The following GRAMD2B variants were observed in gnomAD, a reference collection of about 807,000 sequenced individuals.
The protein encoded by GRAMD2B is GRAM domain containing 2B.
A neutral mutation model predicts 59.2 loss-of-function variants in GRAMD2B; 41 were observed. The observed-to-expected ratio is 0.69, with a 90% confidence interval of 0.54 to 0.90. GRAMD2B has a LOEUF of 0.90. Ranked by LOEUF, GRAMD2B falls within the 40% of genes least tolerant of loss-of-function variation. The pLI is 0.00. For missense variants in GRAMD2B, 424 were observed against 500.5 expected, an observed-to-expected ratio of 0.85 and a Z score of 1.46; for synonymous variants, 161 against 182.7, an observed-to-expected ratio of 0.88 and a Z score of 0.96.
intron 1 of GRAMD2B, among the ~76,000 whole-genome samples, chr5:126,361,393 T>G (rs1220546592): frequency 6.6e-6 from 1 of 151,774 alleles, no homozygotes; most frequent in Non-Finnish European, 1.5e-5. Flanking sequence ...TCTACAAACC[T>G]GCATTTGAAT....
At chr5:126,479,098 T>A (rs1423003047) in intron 6 of GRAMD2B, among the ~76,000 whole-genome samples, 2 of 151,962 alleles carry the variant, frequency 1.3e-5, no homozygotes, top group Non-Finnish European at 2.9e-5. Flanking sequence ...GGGAGTGGAG[T>A]GGTCTGGTTA....
At chr5:126,460,435 G>T (rs969740077) in intron 1 of GRAMD2B, among the ~76,000 whole-genome samples, 1 of 152,210 alleles carries the variant, frequency 6.6e-6, no homozygotes, top group Admixed American at 6.5e-5. Flanking sequence ...AATTGTAAAT[G>T]GAAGATCATT....
chr5:126,418,900 TC>T (rs1759478581), upstream of GRAMD2B, among the ~76,000 whole-genome samples: 1 of 152,218 alleles, frequency 6.6e-6, no homozygotes, highest in Non-Finnish European at 1.5e-5. Context: ...TGAGAAGTGT[TC>T]CTGGAATTCT....
intron 1 of GRAMD2B, among the ~76,000 whole-genome samples, chr5:126,418,307 T>G (rs776221205): frequency 2.4e-4 from 36 of 152,234 alleles, no homozygotes; most frequent in Non-Finnish European, 5.1e-4. Context: ...TAGATATTAA[T>G]GTATTGTTTC....
At chr5:126,486,843 A>G (rs1361386806) in intron 11 of GRAMD2B, 30 bp from the exon 12 acceptor site, 2 of 1,389,396 alleles carry the variant, frequency 1.4e-6, no homozygotes, top group Admixed American at 3.4e-5. Flanking sequence ...CCGTTAACCT[A>G]ACGAAAGTTT....
chr5:126,375,815 C>T (rs1580693852), intron 1 of GRAMD2B, among the ~76,000 whole-genome samples: 1 of 152,170 alleles, frequency 6.6e-6, no homozygotes, highest in Non-Finnish European at 1.5e-5. Flanking sequence ...CAGCTGTTTT[C>T]AGATTAAAAG....
At chr5:126,486,834 C>T (rs369227795) in intron 11 of GRAMD2B, 39 bp from the exon 12 acceptor site, 11 of 1,280,168 alleles carry the variant, frequency 8.6e-6, no homozygotes, top group Middle Eastern at 4.2e-4. Context: ...AGATCCTGGC[C>T]GTTAACCTAA....
At chr5:126,478,675 A>G (rs1244117126) in intron 6 of GRAMD2B, among the ~76,000 whole-genome samples, 5 of 152,058 alleles carry the variant, frequency 3.3e-5, no homozygotes, top group Non-Finnish European at 7.4e-5. Flanking sequence ...TGGGAGACAG[A>G]GGTTGCAGTG....
At chr5:126,419,621 C>T (rs1759550758), upstream of GRAMD2B, among the ~76,000 whole-genome samples, 1 of 152,176 alleles carries the variant, frequency 6.6e-6, no homozygotes, top group African/African-American at 2.4e-5. Flanking sequence ...AGTGTATGTG[C>T]TCAATGTTAA....
intron 6 of GRAMD2B, among the ~76,000 whole-genome samples, chr5:126,478,244 C>A (rs1378456956): frequency 6.7e-6 from 1 of 149,762 alleles, no homozygotes; most frequent in African/African-American, 2.5e-5. Context: ...TGGGAACCAG[C>A]CTGGGCAACA....
intron 1 of GRAMD2B, among the ~76,000 whole-genome samples, chr5:126,444,052 CAA>C (rs1201362951): frequency 7.2e-6 from 1 of 139,446 alleles, no homozygotes. Flanking sequence ...AACTCCATCT[CAA>C]AAAAAAAAAA....
At chr5:126,444,051 T>A (rs1482291218) in intron 1 of GRAMD2B, among the ~76,000 whole-genome samples, 3 of 146,670 alleles carry the variant, frequency 2.0e-5, no homozygotes, top group East Asian at 4.0e-4. Context: ...AAACTCCATC[T>A]CAAAAAAAAA....
chr5:126,477,137 A>T (rs1770775966), intron 5 of GRAMD2B, among the ~76,000 whole-genome samples: 1 of 152,256 alleles, frequency 6.6e-6, no homozygotes, highest in Non-Finnish European at 1.5e-5. Context: ...ATTTCCTTTG[A>T]CCATCAATAT....
chr5:126,484,306 C>A (rs555074436), intron 9 of GRAMD2B, 96 bp from the exon 10 acceptor site: 1 of 1,384,780 alleles, frequency 7.2e-7, no homozygotes, highest in African/African-American at 1.4e-5. Context: ...CATTCTTGAC[C>A]ATTATGCATG....
intron 2 of GRAMD2B, among the ~76,000 whole-genome samples, chr5:126,465,853 C>T (rs1768249270): frequency 6.6e-6 from 1 of 152,070 alleles, no homozygotes. Flanking sequence ...GAGTGTCTGC[C>T]CGGCCTTGGG....
intron 1 of GRAMD2B, among the ~76,000 whole-genome samples, chr5:126,428,051 G>T (rs1175947911): frequency 3.9e-5 from 6 of 152,094 alleles, no homozygotes; most frequent in African/African-American, 1.4e-4. Flanking sequence ...TGGCCAACAT[G>T]GTGAAACCCC....
chr5:126,362,943 A>G (rs1754283147), intron 1 of GRAMD2B, among the ~76,000 whole-genome samples: 1 of 152,200 alleles, frequency 6.6e-6, no homozygotes. Context: ...CAAAATCGCA[A>G]GTGATAAAAG....
chr5:126,380,345 C>T (rs1238206068), intron 1 of GRAMD2B, among the ~76,000 whole-genome samples: 1 of 152,092 alleles, frequency 6.6e-6, no homozygotes, highest in African/African-American at 2.4e-5. Flanking sequence ...AATGTGATGC[C>T]TCCATAATTG....
intron 1 of GRAMD2B, among the ~76,000 whole-genome samples, chr5:126,400,753 G>T (rs1055520995): frequency 6.6e-6 from 1 of 151,910 alleles, no homozygotes; most frequent in East Asian, 1.9e-4. Context: ...TTTTCTTTCA[G>T]CACTTTGAAA....
Sources: allele counts gnomAD v4.1 joint callset (sites outside exome capture counted in the v4.1 genomes callset), GRCh38; gene constraint gnomAD v4.1.1; transcripts MANE v1.5; gene names NCBI Gene and HGNC (gene_info 2026-07-23, HGNC 2026-07-21).